CADM1: variants seen among roughly 807,000 people sequenced by gnomAD.
The protein encoded by CADM1 is cell adhesion molecule 1.
A neutral mutation model predicts 53.1 loss-of-function variants in CADM1; 15 were observed. That is an observed-to-expected ratio of 0.28 (90% CI 0.19 to 0.44). The LOEUF (loss-of-function observed/expected upper bound fraction) is 0.44. CADM1 is among the 20% of genes least tolerant of loss of function. CADM1 has a pLI of 1.00. For synonymous variants in CADM1, 281 were observed against 243.0 expected, an observed-to-expected ratio of 1.16 and a Z score of -1.45; for missense variants, 434 against 611.3, an observed-to-expected ratio of 0.71 and a Z score of 3.06.
At chr11:115,179,064 C>G in intron 10 of CADM1, 1 of 420,336 alleles carries the variant, frequency 2.4e-6, no homozygotes, top group Non-Finnish European at 4.5e-6. Context: ...CCGGCCCTGA[C>G]CTAGTCTTAG....
intron 1 of CADM1, among the ~76,000 whole-genome samples, chr11:115,405,870 T>G (rs200440907): frequency 6.6e-6 from 1 of 152,022 alleles, no homozygotes; most frequent in East Asian, 1.9e-4. Flanking sequence ...TATAGTTCAA[T>G]CCTAGGAGGA....
intron 1 of CADM1, among the ~76,000 whole-genome samples, chr11:115,362,020 G>C (rs566824300): frequency 6.6e-6 from 1 of 152,106 alleles, no homozygotes. Context: ...GATTACAGGC[G>C]AGAGCCACAG....
intron 8 of CADM1, among the ~76,000 whole-genome samples, chr11:115,201,273 G>A (rs1163575882): frequency 6.6e-6 from 1 of 152,126 alleles, no homozygotes; most frequent in African/African-American, 2.4e-5. Flanking sequence ...TGTCTGGGGA[G>A]TCACTGACTC....
chr11:115,317,111 CTT>C (rs1565361496), intron 1 of CADM1, among the ~76,000 whole-genome samples: 3 of 152,268 alleles, frequency 2.0e-5, no homozygotes, highest in South Asian at 2.1e-4. Flanking sequence ...CCTTCAATGA[CTT>C]TTAAAAACTA....
chr11:115,390,733 C>A, intron 1 of CADM1, among the ~76,000 whole-genome samples: 1 of 146,856 alleles, frequency 6.8e-6, no homozygotes, highest in African/African-American at 2.5e-5. Flanking sequence ...TATAGCAAAA[C>A]AAAAGAGGAA....
At chr11:115,318,045 ATTTT>A (rs1368228507) in intron 1 of CADM1, among the ~76,000 whole-genome samples, 4 of 151,424 alleles carry the variant, frequency 2.6e-5, no homozygotes, top group Non-Finnish European at 5.9e-5. Context: ...TTCCCTACTT[ATTTT>A]TTTTAATTTG....
chr11:115,187,184 T>C (rs1224690042), intron 10 of CADM1, among the ~76,000 whole-genome samples: 1 of 152,218 alleles, frequency 6.6e-6, no homozygotes, highest in Admixed American at 6.5e-5. Context: ...ATTATTGTTG[T>C]TATTACTCTA....
chr11:115,486,582 C>T (rs757593311), intron 1 of CADM1, among the ~76,000 whole-genome samples: 1 of 152,120 alleles, frequency 6.6e-6, no homozygotes, highest in Non-Finnish European at 1.5e-5. Context: ...TGGGCTCAAG[C>T]AATCCTCCCA....
chr11:115,328,529 A>G (rs888573478), intron 1 of CADM1, among the ~76,000 whole-genome samples: 7 of 150,554 alleles, frequency 4.6e-5, no homozygotes, highest in African/African-American at 9.7e-5. Context: ...TTTTTGCAAA[A>G]AGACAAGGCA....
chr11:115,224,732 G>A (rs1414194010), intron 5 of CADM1, among the ~76,000 whole-genome samples: 1 of 152,096 alleles, frequency 6.6e-6, no homozygotes, highest in African/African-American at 2.4e-5. Flanking sequence ...AGCTTATGTC[G>A]CTATGTGTTG....
intron 1 of CADM1, among the ~76,000 whole-genome samples, chr11:115,420,517 C>T (rs369379752): frequency 6.6e-6 from 1 of 152,302 alleles, no homozygotes; most frequent in East Asian, 1.9e-4. Flanking sequence ...CCACCCTCCT[C>T]ATCCATTGGT....
chr11:115,271,412 A>C (rs575692590), intron 1 of CADM1, among the ~76,000 whole-genome samples: 1 of 152,218 alleles, frequency 6.6e-6, no homozygotes, highest in East Asian at 1.9e-4. Flanking sequence ...CCTCCCGAGT[A>C]GCTGGGACTA....
intron 8 of CADM1, among the ~76,000 whole-genome samples, chr11:115,203,472 G>A (rs1198785729): frequency 2.0e-5 from 3 of 152,092 alleles, no homozygotes; most frequent in African/African-American, 4.8e-5. Context: ...CAAATTTTGT[G>A]TTAGATATGG....
At chr11:115,241,385 C>T (rs7926292) in intron 1 of CADM1, among the ~76,000 whole-genome samples, 4,080 of 152,224 alleles carry the variant, frequency 0.027, 191 homozygotes, top group African/African-American at 0.092. Flanking sequence ...GAAGCTGCCA[C>T]GTGGGTGAAA....
intron 1 of CADM1, among the ~76,000 whole-genome samples, chr11:115,334,630 A>G (rs546411762): frequency 6.6e-6 from 1 of 152,252 alleles, no homozygotes; most frequent in South Asian, 2.1e-4. Context: ...AATAGTCTGT[A>G]TAGGGTTCAA....
rs111595302 is a variant in CADM1 at position 115,493,512 on chromosome 11, C to T, written c.124+10759G>A. The stretch of plus-strand genomic sequence containing the variant: ...AAAGAAGACAGAGGGCTCTTCACAA[C>T]GAAGTTTGCTCACAAGATATGTATA... On this transcript the variant is annotated intron_variant, in intron 1 of 11. Transcript: ENST00000331581. Among the ~76,000 whole-genome samples the T allele has an allele frequency of 4.0e-3, 602 of 152,200 alleles. 4 individuals are homozygous for T. Among genetic ancestry groups the T allele is most frequent in the African/African-American group, 0.014 (581 of 41,542 alleles).
chr11:115,250,707 C>T (rs752747009), intron 1 of CADM1, among the ~76,000 whole-genome samples: 2 of 152,190 alleles, frequency 1.3e-5, no homozygotes, highest in Non-Finnish European at 2.9e-5. Context: ...ATGCAAGGCG[C>T]TATGCTTCTT....
At chr11:115,290,436 C>T (rs1308602724) in intron 1 of CADM1, among the ~76,000 whole-genome samples, 2 of 152,150 alleles carry the variant, frequency 1.3e-5, no homozygotes, top group Non-Finnish European at 2.9e-5. Flanking sequence ...AAAAGTCAGG[C>T]ATACTGTGCG....
rs538409766 is a variant in CADM1 at position 115,175,415 on chromosome 11, C to T, written c.*1059G>A. ...ATCAACTCTGTCCCATTCAGTCATT[C>T]GCACAACAGACGAACTTGCTTTTTC... is the stretch of plus-strand genomic sequence containing the variant. On this transcript the variant is annotated 3_prime_UTR_variant, in exon 12 of 12. Transcript: ENST00000331581. 2.1e-5 allele frequency: 21 copies of T among 985,028 alleles called. 1 individual carries two copies. The South Asian group carries it at 3.8e-4, about 18-fold the overall frequency. 61.0% of individuals were successfully genotyped at this position (985,028 alleles called of 1,614,324 possible).
Sources: allele counts gnomAD v4.1 joint callset (sites outside exome capture counted in the v4.1 genomes callset), GRCh38; gene constraint gnomAD v4.1.1; transcripts MANE v1.5; gene names NCBI Gene and HGNC (gene_info 2026-07-23, HGNC 2026-07-21).